Variants in KLF13 observed in about 807,000 individuals in gnomAD.
KLF13 encodes KLF transcription factor 13, also known as Krueppel-like factor 13.
In KLF13, 8 loss-of-function variants were observed where a neutral mutation model predicts 16.7. The ratio of observed to expected loss-of-function variants is 0.48; its 90% CI spans 0.28 to 0.87. KLF13 has a LOEUF of 0.87. Among genes scored for constraint, KLF13 ranks in the 40% least tolerant of loss-of-function variants. KLF13 has a pLI of 0.10. For synonymous variants in KLF13, 245 were observed against 208.4 expected (o/e 1.18, Z -1.51); for missense variants, 447 against 452.2 (o/e 0.99, Z 0.10).
At chr15:31,427,581 T>A (rs550223859) in intron 1 of KLF13, among the ~76,000 whole-genome samples, 1 of 152,332 alleles carries the variant, frequency 6.6e-6, no homozygotes, top group East Asian at 1.9e-4. Context: ...TATGGACAGA[T>A]GAATGGATAA....
At chr15:31,353,587 G>C (rs2039251188) in intron 1 of KLF13, among the ~76,000 whole-genome samples, 1 of 152,260 alleles carries the variant, frequency 6.6e-6, no homozygotes, top group South Asian at 2.1e-4. Context: ...GTCCTCAGCT[G>C]ACCTCAGATT....
chr15:31,357,744 A>AAG (rs2039322469), intron 1 of KLF13, among the ~76,000 whole-genome samples: 1 of 152,126 alleles, frequency 6.6e-6, no homozygotes, highest in Non-Finnish European at 1.5e-5. Flanking sequence ...AGCCATCTGT[A>AAG]AGGTGAGGAA....
chr15:31,329,665 A>G (rs1474345521), intron 1 of KLF13, among the ~76,000 whole-genome samples: 1 of 152,226 alleles, frequency 6.6e-6, no homozygotes, highest in African/African-American at 2.4e-5. Flanking sequence ...AGGTGGGGCC[A>G]GTTTCCTCGG....
At chr15:31,378,749 G>A (rs2039688702), downstream of KLF13, among the ~76,000 whole-genome samples, 1 of 152,096 alleles carries the variant, frequency 6.6e-6, no homozygotes, top group Admixed American at 6.5e-5. Flanking sequence ...AGCCCCACTC[G>A]TTGCTGTCGC....
intron 1 of KLF13, among the ~76,000 whole-genome samples, chr15:31,343,802 C>T (rs573148530): frequency 6.6e-6 from 1 of 152,294 alleles, no homozygotes; most frequent in South Asian, 2.1e-4. Flanking sequence ...CACCATGACT[C>T]CATGGGGAAG....
rs1260495008 is a variant in KLF13, at chr15:31,327,301, G to A, written c.89G>A (p.Gly30Glu). The stretch of plus-strand genomic sequence containing the variant: ...GCGGTCGTGCACGGGCCGCGGGAGG[G>A]GCCGGAGTCCCGGCCCGAGGGCGCG... ...SRAVVHGPREGPESRPEGAAV... is the reference protein window; with the variant it reads ...SRAVVHGPREEPESRPEGAAV... Residue 30 changes from glycine (G) to glutamate (E), a missense_variant, in exon 1 of 2, where the codon GGG becomes GAG. Coordinates refer to ENST00000307145, the MANE Select transcript of KLF13 (RefSeq NM_015995.4). 2.2e-5 allele frequency: 29 copies of A among 1,304,284 alleles called. No individual in the cohort carries two copies. Among genetic ancestry groups the A allele is most frequent in the South Asian group, 1.0e-4 (5 of 49,194 alleles). 80.8% of individuals were successfully genotyped at this position (1,304,284 alleles called of 1,614,324 possible).
At chr15:31,382,127 C>G (rs2039734703), downstream of KLF13, among the ~76,000 whole-genome samples, 1 of 152,200 alleles carries the variant, frequency 6.6e-6, no homozygotes, top group Non-Finnish European at 1.5e-5. Flanking sequence ...GGCCAGGCCT[C>G]CACTCTCACA....
intron 1 of KLF13, among the ~76,000 whole-genome samples, chr15:31,345,227 C>G (rs978438209): frequency 6.6e-6 from 1 of 152,200 alleles, no homozygotes; most frequent in Non-Finnish European, 1.5e-5. Context: ...TGCCAGCAGA[C>G]AGGGGTGGAG....
chr15:31,404,809 A>G (rs1056876105), downstream of KLF13: 2 of 152,444 alleles, frequency 1.3e-5, no homozygotes, highest in Admixed American at 6.5e-5. Flanking sequence ...GGTCAGCGAG[A>G]CCACGAACCC....
At chr15:31,360,536 A>T (rs1054642377) in intron 1 of KLF13, among the ~76,000 whole-genome samples, 1 of 152,106 alleles carries the variant, frequency 6.6e-6, no homozygotes, top group African/African-American at 2.4e-5. Context: ...GGTAGGGGTA[A>T]CTTGCTCCTA....
chr15:31,329,894 C>T (rs576435580), intron 1 of KLF13, among the ~76,000 whole-genome samples: 105 of 152,292 alleles, frequency 6.9e-4, no homozygotes, highest in African/African-American at 2.5e-3. Flanking sequence ...ATGCAGATTT[C>T]CGGGCCCCTG....
intron 1 of KLF13, among the ~76,000 whole-genome samples, chr15:31,336,203 TG>T (rs1169200623): frequency 6.6e-6 from 1 of 152,094 alleles, no homozygotes; most frequent in Non-Finnish European, 1.5e-5. Flanking sequence ...AGCTAATGCT[TG>T]GGGGGGCCAC....
At chr15:31,379,979 C>T (rs2039704657), downstream of KLF13, among the ~76,000 whole-genome samples, 1 of 152,172 alleles carries the variant, frequency 6.6e-6, no homozygotes, top group Non-Finnish European at 1.5e-5. Context: ...CTGGCAAAGG[C>T]TCACAGTGAC....
At chr15:31,428,642 TA>T (rs1185362152) in intron 1 of KLF13, among the ~76,000 whole-genome samples, 3 of 151,244 alleles carry the variant, frequency 2.0e-5, no homozygotes, top group South Asian at 4.2e-4. Context: ...CCGTCTCTAC[TA>T]AAAAATACAG....
At chr15:31,430,196 G>A (rs2040455681) in intron 1 of KLF13, among the ~76,000 whole-genome samples, 1 of 152,096 alleles carries the variant, frequency 6.6e-6, no homozygotes, top group African/African-American at 2.4e-5. Context: ...TATTAAGAGA[G>A]TGAAAAGCTA....
At chr15:31,424,180 T>C (rs531451348) in intron 1 of KLF13, among the ~76,000 whole-genome samples, 1 of 152,090 alleles carries the variant, frequency 6.6e-6, no homozygotes, top group South Asian at 2.1e-4. Flanking sequence ...TTAATATAAA[T>C]TATTTGCAAA....
At chr15:31,359,055 G>T (rs1595470719) in intron 1 of KLF13, among the ~76,000 whole-genome samples, 1 of 152,350 alleles carries the variant, frequency 6.6e-6, no homozygotes, top group South Asian at 2.1e-4. Context: ...TGTTCTTTGG[G>T]TTCAGCTCTC....
At chr15:31,388,688 G>T (rs1432970553), upstream of KLF13, among the ~76,000 whole-genome samples, 1 of 147,180 alleles carries the variant, frequency 6.8e-6, no homozygotes, top group Non-Finnish European at 1.5e-5. Context: ...CAAGGACTTT[G>T]GAAGTAATTT....
At chr15:31,340,366 C>T (rs956190741) in intron 1 of KLF13, among the ~76,000 whole-genome samples, 1 of 152,220 alleles carries the variant, frequency 6.6e-6, no homozygotes, top group South Asian at 2.1e-4. Context: ...TGTGCACACC[C>T]CAAGCCTCCT....
Sources: gnomAD v4.1 joint callset for allele counts (sites outside exome capture counted in the v4.1 genomes callset) on GRCh38, gnomAD v4.1.1 for gene constraint, MANE v1.5 for transcripts, NCBI Gene and HGNC (gene_info 2026-07-23, HGNC 2026-07-21) for gene names.